The following RBBP7 variants were observed in gnomAD, a reference collection of about 807,000 sequenced individuals.
The protein encoded by RBBP7 is RB binding protein 7, chromatin remodeling factor.
In RBBP7, 5 loss-of-function variants were observed where a neutral mutation model predicts 35.2. That is an observed-to-expected ratio of 0.14 (90% CI 0.07 to 0.30). RBBP7 has a LOEUF of 0.30. RBBP7 is among the 10% of genes least tolerant of loss of function. The pLI is 1.00. For missense variants in RBBP7, 155 were observed against 327.5 expected (o/e 0.47, Z 4.07); for synonymous variants, 140 against 118.7 (o/e 1.18, Z -1.17).
rs3214937 is a variant in RBBP7 at position 16,844,616 on chromosome X, G to GC, written c.*418dup. Reference sequence around the variant, plus strand: ...TTCTACTCAAAAAGTAGACTCCCCCGCCCCCCCCCACTAAGCTTTTAAAAA... The same window carrying GC: ...TTCTACTCAAAAAGTAGACTCCCCCGCCCCCCCCCCACTAAGCTTTTAAAAA... On this transcript the variant is annotated 3_prime_UTR_variant, in exon 12 of 12. Coordinates refer to ENST00000380087, the MANE Select transcript of RBBP7 (RefSeq NM_002893.4). 222 of 89,672 alleles carry GC rather than the reference G, an allele frequency of 2.5e-3. No homozygotes were observed. Among genetic ancestry groups the GC allele is most frequent in the African/African-American group, 4.5e-3 (115 of 25,574 alleles). 7.4% of individuals were successfully genotyped at this position (89,672 alleles called of 1,213,427 possible).
chrX:16,857,386 C>G (rs1930376336), intron 5 of RBBP7, among the ~76,000 whole-genome samples: 1 of 111,856 alleles, frequency 8.9e-6, no homozygotes, highest in East Asian at 2.8e-4. Flanking sequence ...TCCCTCCATT[C>G]TAAGGCTACT....
intron 2 of RBBP7, among the ~76,000 whole-genome samples, chrX:16,866,307 C>T (rs1930613671): frequency 9.1e-6 from 1 of 109,343 alleles, no homozygotes; most frequent in African/African-American, 3.3e-5. Context: ...GCGGGCGGAT[C>T]ACGAGGTCAG....
intron 10 of RBBP7, chrX:16,849,014 A>G (rs1236516525): frequency 3.2e-6 from 1 of 314,640 alleles, no homozygotes; most frequent in Non-Finnish European, 5.5e-6. Context: ...ACTATATACT[A>G]TTTTCCAGGA....
chrX:16,869,434 A>C, intron 1 of RBBP7: 1 of 1,143,993 alleles, frequency 8.7e-7, no homozygotes, highest in East Asian at 3.3e-5. Flanking sequence ...TGCGTACACC[A>C]TGTTGGGTAG....
At chrX:16,864,344 A>G (rs977933336) in intron 2 of RBBP7, among the ~76,000 whole-genome samples, 1 of 110,163 alleles carries the variant, frequency 9.1e-6, no homozygotes, top group African/African-American at 3.3e-5. Context: ...ACGTGGAGAA[A>G]CCCCATCTCT....
intron 2 of RBBP7, among the ~76,000 whole-genome samples, chrX:16,863,697 G>C (rs1024696333): frequency 8.9e-6 from 1 of 112,285 alleles, no homozygotes; most frequent in East Asian, 2.8e-4. Context: ...CAAATGGCAT[G>C]ATGTGAAACT....
intron 3 of RBBP7, among the ~76,000 whole-genome samples, chrX:16,860,483 G>GC (rs1480468947): frequency 9.1e-6 from 1 of 109,645 alleles, no homozygotes; most frequent in East Asian, 2.8e-4. Flanking sequence ...GGTCAGGAAA[G>GC]CAAGACCATC....
chrX:16,855,144 G>C (rs1245679210), intron 5 of RBBP7, among the ~76,000 whole-genome samples: 3 of 109,510 alleles, frequency 2.7e-5, no homozygotes, highest in Non-Finnish European at 3.8e-5. Context: ...CCGCCTCCCG[G>C]GTTCAAGCAA....
chrX:16,860,706 AAT>A (rs1466758990), intron 3 of RBBP7, among the ~76,000 whole-genome samples: 1 of 109,527 alleles, frequency 9.1e-6, no homozygotes, highest in African/African-American at 3.4e-5. Context: ...AGAAAAAAAA[AAT>A]ATATATACTG....
At chrX:16,856,807 G>A (rs1930365066) in intron 5 of RBBP7, among the ~76,000 whole-genome samples, 1 of 111,272 alleles carries the variant, frequency 9.0e-6, no homozygotes, top group African/African-American at 3.3e-5. Context: ...CCACTCCTAG[G>A]TATATATCCA....
intron 5 of RBBP7, among the ~76,000 whole-genome samples, chrX:16,855,875 T>C (rs1930335144): frequency 9.3e-6 from 1 of 107,087 alleles, no homozygotes; most frequent in Non-Finnish European, 1.9e-5. Flanking sequence ...TGGGCGCCTG[T>C]AGTCCCACCT....
At position 16,870,240 on chromosome X, in the gene RBBP7, T is replaced by C; in HGVS notation, c.-187A>G. 2 of 584,980 alleles carry C rather than the reference T, an allele frequency of 3.4e-6. No homozygotes were observed. Among genetic ancestry groups the C allele is most frequent in the Non-Finnish European group, 4.3e-6 (2 of 464,809 alleles). The allele number at this position is 584,980 out of a possible 1,213,427, so 48.2% of individuals were successfully genotyped here. ...TCCTTCTTTCCTGCCTCCTCCCCGC[T>C]CGCGGGTACCGAGGTCTGAGGCGCT... On this transcript the variant is annotated 5_prime_UTR_variant, in exon 1 of 12. Coordinates refer to ENST00000380087, the MANE Select transcript of RBBP7 (RefSeq NM_002893.4).
At chrX:16,862,046 C>G (rs1190002732) in intron 3 of RBBP7, among the ~76,000 whole-genome samples, 1 of 111,504 alleles carries the variant, frequency 9.0e-6, no homozygotes, top group Non-Finnish European at 1.9e-5. Context: ...TGCAACTAGT[C>G]CCCCAAGAAA....
chrX:16,865,400 TAA>T (rs1358656727), intron 2 of RBBP7, among the ~76,000 whole-genome samples: 1 of 111,861 alleles, frequency 8.9e-6, no homozygotes, highest in Non-Finnish European at 1.9e-5. Flanking sequence ...AAGTAAAAAA[TAA>T]CAGGTAGGTC....
chrX:16,869,347 ACTAAC>A, intron 1 of RBBP7, 127 bp from the exon 2 acceptor site: 1 of 1,064,136 alleles, frequency 9.4e-7, no homozygotes. Flanking sequence ...GACACGGACA[ACTAAC>A]TGCTCTTCCA....
chrX:16,845,188 C>CCTG, intron 11 of RBBP7, 85 bp from the exon 12 acceptor site: 1 of 636,683 alleles, frequency 1.6e-6, no homozygotes, highest in South Asian at 3.1e-5. Context: ...CTATTTAGAA[C>CCTG]TTAATAGTTT....
chrX:16,848,247 C>T (rs1930130911), intron 10 of RBBP7: 1 of 110,879 alleles, frequency 9.0e-6, no homozygotes, highest in African/African-American at 3.3e-5. Flanking sequence ...TATGAATATA[C>T]TAAAAACCAC....
At position 16,852,776 on chromosome X, in the gene RBBP7, A is replaced by G; in HGVS notation, c.858T>C (p.Phe286=). The change falls in exon 7 of 12, where the codon TTT becomes TTC. Residue 286 remains phenylalanine, a synonymous_variant. Coordinates refer to ENST00000380087, the MANE Select transcript of RBBP7 (RefSeq NM_002893.4). The stretch of plus-strand genomic sequence containing the variant: ...TATCCGCAGAGCCGGTGGCTAGAAT[A>G]AATTCGCTGTAGGGATTGAATGAGA... The part of the protein sequence containing the change: ...NCLSFNPYSE[F]ILATGSADKT... 8.2e-7 allele frequency: 1 copy of G among 1,212,281 alleles called. No individual in the cohort carries two copies. Among genetic ancestry groups the G allele is most frequent in the Admixed American group, 2.2e-5 (1 of 46,117 alleles).
chrX:16,847,544 G>A (rs150522377), intron 10 of RBBP7: 2 of 109,246 alleles, frequency 1.8e-5, no homozygotes, highest in East Asian at 2.9e-4. Context: ...GCATACTGGT[G>A]GAATAGTTTA....
Sources: allele counts gnomAD v4.1 joint callset (sites outside exome capture counted in the v4.1 genomes callset), GRCh38; gene constraint gnomAD v4.1.1; transcripts MANE v1.5; gene names NCBI Gene and HGNC (gene_info 2026-07-23, HGNC 2026-07-21).